ADGRV1: variants seen among roughly 807,000 people sequenced by gnomAD.
ADGRV1 encodes adhesion G protein-coupled receptor V1, also known as G-protein coupled receptor 98.
ADGRV1 carries 359 observed loss-of-function variants against 596.2 expected under a neutral mutation model. The observed-to-expected ratio is 0.60, with a 90% confidence interval of 0.55 to 0.66. The LOEUF (loss-of-function observed/expected upper bound fraction) is 0.66. ADGRV1 is among the 30% of genes least tolerant of loss of function. The pLI, the probability that ADGRV1 is intolerant of heterozygous loss-of-function variation, is 0.00. For synonymous variants in ADGRV1, 2,681 were observed against 2,679.2 expected (o/e 1.00, Z -0.02); for missense variants, 7,274 against 7,575.6 (o/e 0.96, Z 1.48).
chr5:90,811,301 T>C lies in ADGRV1; in HGVS notation c.16041T>C (p.Asp5347=), dbSNP rs1762420472. Residue 5347 remains aspartate (D), a synonymous_variant, in exon 74 of 90, where the codon GAT becomes GAC. Coordinates refer to ENST00000405460, the MANE Select transcript of ADGRV1 (RefSeq NM_032119.4). The stretch of plus-strand genomic sequence containing the variant: ...CACAGATTGTGGAGGAGAAGGATGA[T>C]ACTGGATTTGCAGCTTTTGCCATGG... ...GGAQIVEEKD[D]TGFAAFAMVI... 2.5e-6 allele frequency: 4 copies of C among 1,610,104 alleles called. No individual in the cohort carries two copies. The African/African-American group carries it at 4.0e-5, about 16-fold the overall frequency.
chr5:90,705,610 C>A, intron 37 of ADGRV1, 31 bp downstream of exon 37: 1 of 1,560,796 alleles, frequency 6.4e-7, no homozygotes, highest in South Asian at 1.1e-5. Flanking sequence ...AATGGGGTTT[C>A]CAGGCAAGTG....
Position 90,637,709 on chromosome 5 carries a change from CT to C in ADGRV1, c.2017-12del. The C allele has an allele frequency of 6.5e-7, 1 of 1,537,624 alleles. No homozygotes were observed. The highest frequency in any genetic ancestry group is 8.8e-7 in the Non-Finnish European group (1 of 1,135,400). ...ATATTTTAGAAGAAATTGTTCTGTT[CT>C]TTTCTTTTTATAAGGTATACATTCC... is the stretch of plus-strand genomic sequence containing the variant. On this transcript the variant is annotated splice_polypyrimidine_tract_variant and intron_variant, in intron 10 of 89. Transcript: ENST00000405460.
intron 70 of ADGRV1, among the ~76,000 whole-genome samples, chr5:90,797,600 T>C (rs978422262): frequency 2.0e-5 from 3 of 152,152 alleles, no homozygotes; most frequent in African/African-American, 7.2e-5. Context: ...TATTCAGGAC[T>C]TGAACTCAGC....
chr5:90,866,416 G>A (rs1191279781), intron 83 of ADGRV1, among the ~76,000 whole-genome samples: 1 of 151,610 alleles, frequency 6.6e-6, no homozygotes, highest in Non-Finnish European at 1.5e-5. Context: ...GATTCTGCTT[G>A]AATCTGGAGT....
At chr5:90,943,755 C>A (rs940888803) in intron 83 of ADGRV1, among the ~76,000 whole-genome samples, 9 of 152,142 alleles carry the variant, frequency 5.9e-5, no homozygotes, top group African/African-American at 2.2e-4. Context: ...AACATTCCTA[C>A]CCCTTCCTTT....
intron 42 of ADGRV1, among the ~76,000 whole-genome samples, chr5:90,714,815 T>C (rs1749872017): frequency 6.6e-6 from 1 of 152,194 alleles, no homozygotes; most frequent in African/African-American, 2.4e-5. Flanking sequence ...TATTTGCCTA[T>C]TTATGTGCTA....
rs1415618342 is a variant in ADGRV1, at chr5:90,805,309, A to G, written c.14687A>G (p.Gln4896Arg). ...SQVGFESTAF[Q>R]LMNITAGTSH... ...GTCGGATTTGAATCCACTGCTTTTCAACTCATGAACATCACTGCTGGCACA... is the reference window on the plus strand; with the variant it reads ...GTCGGATTTGAATCCACTGCTTTTCGACTCATGAACATCACTGCTGGCACA... The change falls in exon 72 of 90, where the codon CAA becomes CGA. Residue 4896 changes from glutamine to arginine, a missense_variant. This residue lies in a region of ADGRV1 where 1,874 missense variants were observed against 1,970.2 expected (regional missense o/e 0.95). Coordinates refer to ENST00000405460, the MANE Select transcript of ADGRV1 (RefSeq NM_032119.4). 6.2e-7 allele frequency: 1 copy of G among 1,612,560 alleles called. No individual in the cohort carries two copies. The highest frequency in any genetic ancestry group is 8.5e-7 in the Non-Finnish European group (1 of 1,178,732).
At chr5:91,106,796 G>A (rs116192465) in intron 87 of ADGRV1, among the ~76,000 whole-genome samples, 1,705 of 152,284 alleles carry the variant, frequency 0.011, 33 homozygotes, top group African/African-American at 0.038. Context: ...TTTAGGAGAC[G>A]TTGCTAAATA....
chr5:90,778,162 G>A, intron 62 of ADGRV1, 119 bp downstream of exon 62: 2 of 1,165,892 alleles, frequency 1.7e-6, no homozygotes, highest in Non-Finnish European at 2.4e-6. Context: ...AGTGGGGGAT[G>A]GGGAGGAGGT....
At chr5:90,721,903 G>A (rs1468903513) in intron 45 of ADGRV1, among the ~76,000 whole-genome samples, 2 of 152,156 alleles carry the variant, frequency 1.3e-5, no homozygotes, top group African/African-American at 2.4e-5. Context: ...GCACACATAA[G>A]TGAAGAACTT....
chr5:90,608,130 A>C (rs892470914), intron 1 of ADGRV1, among the ~76,000 whole-genome samples: 1 of 152,136 alleles, frequency 6.6e-6, no homozygotes, highest in Non-Finnish European at 1.5e-5. Flanking sequence ...GCAAAAATCA[A>C]AGAATCGGTA....
At chr5:90,987,722 T>C (rs1437237610) in intron 85 of ADGRV1, among the ~76,000 whole-genome samples, 1 of 152,000 alleles carries the variant, frequency 6.6e-6, no homozygotes, top group Non-Finnish European at 1.5e-5. Flanking sequence ...AATAGATTGA[T>C]GGTTGTATGA....
chr5:90,656,618 CTG>C (rs748850029), intron 20 of ADGRV1, among the ~76,000 whole-genome samples: 2 of 152,152 alleles, frequency 1.3e-5, no homozygotes, highest in African/African-American at 4.8e-5. Context: ...AAGGTGGTCT[CTG>C]TAGTCGGTAT....
At chr5:90,598,276 T>A (rs766692107) in intron 1 of ADGRV1, among the ~76,000 whole-genome samples, 10 of 152,202 alleles carry the variant, frequency 6.6e-5, no homozygotes, top group Non-Finnish European at 1.3e-4. Flanking sequence ...TGAATGAATG[T>A]TAGACACAGC....
intron 87 of ADGRV1, among the ~76,000 whole-genome samples, chr5:91,131,696 C>T (rs1010697635): frequency 6.6e-6 from 1 of 152,050 alleles, no homozygotes; most frequent in Admixed American, 6.5e-5. Context: ...GACATTAGTC[C>T]TTTGTCAGAT....
chr5:90,667,899 G>A (rs1445500458), intron 21 of ADGRV1, among the ~76,000 whole-genome samples: 1 of 152,016 alleles, frequency 6.6e-6, no homozygotes, highest in African/African-American at 2.4e-5. Flanking sequence ...CCTGTTGGGG[G>A]GTGCCTCCCA....
At chr5:90,565,796 T>C (rs12332756) in intron 1 of ADGRV1, among the ~76,000 whole-genome samples, 10,204 of 152,250 alleles carry the variant, frequency 0.067, 1,025 homozygotes, top group African/African-American at 0.23. Context: ...CCATTGTATA[T>C]GCCCACCAGC....
At chr5:91,081,858 G>A (rs575824378) in intron 86 of ADGRV1, among the ~76,000 whole-genome samples, 18 of 152,232 alleles carry the variant, frequency 1.2e-4, no homozygotes, top group Non-Finnish European at 2.1e-4. Flanking sequence ...AGTCTTTAAT[G>A]TCCTAACCAT....
At chr5:90,676,026 T>G in intron 24 of ADGRV1, 54 bp from the exon 25 acceptor site, 3 of 1,376,624 alleles carry the variant, frequency 2.2e-6, no homozygotes, top group Non-Finnish European at 3.0e-6. Flanking sequence ...ATGATTGTAA[T>G]CTATTCATAT....
Sources: allele counts gnomAD v4.1 joint callset (sites outside exome capture counted in the v4.1 genomes callset), GRCh38; gene constraint gnomAD v4.1.1; regional missense constraint gnomAD v4.1.1; transcripts MANE v1.5; gene names NCBI Gene and HGNC (gene_info 2026-07-23, HGNC 2026-07-21).